Variants in C6 observed in about 807,000 individuals in gnomAD.
C6 encodes the protein complement C6.
In C6, 101 loss-of-function variants were observed where a neutral mutation model predicts 112.9. That is an observed-to-expected ratio of 0.89 (90% confidence interval 0.76 to 1.06). C6 has a LOEUF of 1.06. Ranked by LOEUF, C6 falls within the 50% of genes least tolerant of loss-of-function variation. The pLI is 0.00. For synonymous variants in C6, 431 were observed against 384.1 expected, an observed-to-expected ratio of 1.12 and a Z score of -1.43; for missense variants, 1,202 against 1,104.6, an observed-to-expected ratio of 1.09 and a Z score of -1.25.
chr5:41,229,333 CTT>C (rs35058762), intron 1 of C6, among the ~76,000 whole-genome samples: 19 of 140,668 alleles, frequency 1.4e-4, no homozygotes, highest in African/African-American at 2.3e-4. Flanking sequence ...TCATTCAGAA[CTT>C]TTTTTTTTTT....
chr5:41,142,539 T>C lies in C6; in HGVS notation c.*286A>G. The stretch of plus-strand genomic sequence containing the variant: ...TAATGTCACAGGCTACATAAGGGCC[T>C]CAGAAGTCACATTATTTTTGTACAA... On this transcript the variant is annotated 3_prime_UTR_variant, in exon 18 of 18. Transcript: ENST00000337836. The C allele has an allele frequency of 2.3e-6, 1 of 441,032 alleles. No individual in the cohort carries two copies. Among genetic ancestry groups the C allele is most frequent in the Non-Finnish European group, 4.2e-6 (1 of 239,434 alleles). 27.3% of individuals were successfully genotyped at this position (441,032 alleles called of 1,614,324 possible).
intron 1 of C6, among the ~76,000 whole-genome samples, chr5:41,218,943 T>G (rs2150402169): frequency 6.6e-6 from 1 of 152,316 alleles, no homozygotes; most frequent in Non-Finnish European, 1.5e-5. Flanking sequence ...ACCTTTTCCT[T>G]CTAGTAAACT....
At chr5:41,261,199 A>T (rs564430466) in exon 1 of C6, 945 of 985,812 alleles carry the variant, frequency 9.6e-4, no homozygotes, top group Non-Finnish European at 1.1e-3. Context: ...CTTACTATGC[A>T]TCTATGACTT....
intron 4 of C6, among the ~76,000 whole-genome samples, chr5:41,197,582 TGTAGA>T (rs1372699556): frequency 2.0e-5 from 3 of 152,144 alleles, no homozygotes; most frequent in African/African-American, 7.2e-5. Flanking sequence ...GGGATACACA[TGTAGA>T]GTATAGTTCT....
chr5:41,143,088 G>A (rs952799364), intron 17 of C6, 82 bp from the exon 18 acceptor site: 16 of 1,277,088 alleles, frequency 1.3e-5, no homozygotes, highest in Admixed American at 1.1e-4. Context: ...CCAGGGTGGC[G>A]AGCTCCTTGA....
intron 17 of C6, among the ~76,000 whole-genome samples, chr5:41,147,073 G>A (rs934501155): frequency 6.6e-6 from 1 of 152,102 alleles, no homozygotes; most frequent in Non-Finnish European, 1.5e-5. Flanking sequence ...CTTCCCTGCT[G>A]ACCAAATTTT....
chr5:41,200,058 T>G, intron 3 of C6, 146 bp from the exon 4 acceptor site: 1 of 761,658 alleles, frequency 1.3e-6, no homozygotes, highest in Non-Finnish European at 2.2e-6. Context: ...CCAATTCCAT[T>G]ATTATGCTCC....
At chr5:41,181,329 G>A in intron 7 of C6, 30 bp downstream of exon 7, 1 of 1,585,406 alleles carries the variant, frequency 6.3e-7, no homozygotes, top group East Asian at 2.2e-5. Context: ...TTTCAAGAAA[G>A]AATAAAAGGT....
At chr5:41,195,397 T>C (rs1014647580) in intron 5 of C6, among the ~76,000 whole-genome samples, 3 of 152,200 alleles carry the variant, frequency 2.0e-5, no homozygotes, top group African/African-American at 7.2e-5. Context: ...TTTCTCCATT[T>C]GCTCCTGACA....
chr5:41,158,777 G>C lies in C6; in HGVS notation c.1865C>G (p.Pro622Arg). 1.9e-6 allele frequency: 3 copies of C among 1,558,412 alleles called. No individual in the cohort carries two copies. Among genetic ancestry groups the C allele is most frequent in the South Asian group, 2.2e-5 (2 of 89,994 alleles). The change falls in exon 13 of 18, where the codon CCA becomes CGA. Residue 622 changes from proline to arginine, a missense_variant. Physicochemically the swap from Pro to Arg is moderately radical, Grantham distance 103. Coordinates refer to ENST00000337836, the MANE Select transcript of C6 (RefSeq NM_000065.5). ...TFSIMENNGQ[P>R]CINDDEEMKE... ...CATTTCTTCGTCATCATTGATACAT[G>C]GTTGTCCACTAAAAGGGAAACATAA...
intron 6 of C6, among the ~76,000 whole-genome samples, chr5:41,185,240 G>A (rs375781677): frequency 6.6e-6 from 1 of 152,034 alleles, no homozygotes; most frequent in Non-Finnish European, 1.5e-5. Flanking sequence ...TATATTAGAT[G>A]GTTTTAAATT....
intron 9 of C6, among the ~76,000 whole-genome samples, chr5:41,170,691 A>G (rs2150297723): frequency 6.6e-6 from 1 of 152,080 alleles, no homozygotes; most frequent in African/African-American, 2.4e-5. Context: ...TCATATTTAA[A>G]ATTATCTGTT....
chr5:41,239,664 C>G (rs1740573627), intron 1 of C6, among the ~76,000 whole-genome samples: 1 of 151,910 alleles, frequency 6.6e-6, no homozygotes, highest in Non-Finnish European at 1.5e-5. Flanking sequence ...TTTTATGTCT[C>G]TCTATAAGTT....
intron 1 of C6, among the ~76,000 whole-genome samples, chr5:41,251,838 A>G (rs1188882987): frequency 1.3e-5 from 2 of 152,200 alleles, no homozygotes; most frequent in Non-Finnish European, 2.9e-5. Flanking sequence ...GGCTGGGTAT[A>G]TGGGAAATGC....
rs757681415 is a variant in C6, at chr5:41,199,874, C to T, written c.339G>A (p.Gly113=). ...VRSVLRPSQF[G]GQPCTAPLVA... Reference sequence around the variant, plus strand: ...CCAGAGGCGCAGTGCATGGCTGTCCCCCAAACTGACTGGGACGCAAGACAG... The same window carrying T: ...CCAGAGGCGCAGTGCATGGCTGTCCTCCAAACTGACTGGGACGCAAGACAG... Residue 113 remains glycine, a synonymous_variant, in exon 4 of 18, where the codon GGG becomes GGA. Transcript: ENST00000337836. 1.2e-6 allele frequency: 2 copies of T among 1,613,666 alleles called. No individual in the cohort carries two copies. The highest frequency in any genetic ancestry group is 2.2e-5 in the South Asian group (2 of 91,072).
intron 4 of C6, among the ~76,000 whole-genome samples, chr5:41,198,252 A>G (rs896509143): frequency 6.6e-6 from 1 of 152,178 alleles, no homozygotes; most frequent in Non-Finnish European, 1.5e-5. Context: ...TTCTTTGTTA[A>G]TTGAGAGCCA....
intron 1 of C6, among the ~76,000 whole-genome samples, chr5:41,210,083 C>G (rs953807338): frequency 5.3e-5 from 8 of 152,190 alleles, no homozygotes; most frequent in Non-Finnish European, 8.8e-5. Flanking sequence ...GCCATCTGAT[C>G]TTTGACAAAT....
At chr5:41,250,265 A>G (rs76502337) in intron 1 of C6, among the ~76,000 whole-genome samples, 1,532 of 151,996 alleles carry the variant, frequency 0.01, 33 homozygotes, top group African/African-American at 0.035. Flanking sequence ...GTGGCACCAA[A>G]CTCTGCGGAA....
At position 41,212,699 on chromosome 5, in the gene C6, G is replaced by A. The variant is rs111560021; in HGVS notation, c.-21+677C>T. 2.3e-3 allele frequency among the ~76,000 whole-genome samples: 353 copies of A among 152,256 alleles called. 3 individuals carry two copies. Among genetic ancestry groups the A allele is most frequent in the African/African-American group, 7.8e-3 (326 of 41,560 alleles). ...AAAAGTCTTCCACTTCAGTGCCATC[G>A]TAGAAAAGCAGAAATTCTTCAGTTT... is the stretch of plus-strand genomic sequence containing the variant. On this transcript the variant is annotated intron_variant, in intron 1 of 17. Coordinates refer to ENST00000337836, the MANE Select transcript of C6 (RefSeq NM_000065.5).
Sources: gnomAD v4.1 joint callset for allele counts (sites outside exome capture counted in the v4.1 genomes callset) on GRCh38, gnomAD v4.1.1 for gene constraint, MANE v1.5 for transcripts, NCBI Gene and HGNC (gene_info 2026-07-23, HGNC 2026-07-21) for gene names.